API5: variants seen among roughly 807,000 people sequenced by gnomAD.
API5 encodes the protein apoptosis inhibitor 5.
API5 carries 6 observed loss-of-function variants against 71.9 expected under a neutral mutation model. That is an observed-to-expected ratio of 0.08 (90% CI 0.05 to 0.16). The LOEUF is 0.16. Among genes scored for constraint, API5 ranks in the 10% least tolerant of loss-of-function variants. API5 has a pLI of 1.00. For synonymous variants in API5, 189 were observed against 221.3 expected (o/e 0.85, Z 1.30); for missense variants, 332 against 612.8 (o/e 0.54, Z 4.84).
chr11:43,325,684 C>T (rs1432112356), intron 6 of API5, among the ~76,000 whole-genome samples: 1 of 152,114 alleles, frequency 6.6e-6, no homozygotes, highest in Non-Finnish European at 1.5e-5. Context: ...GATCCTGAAG[C>T]ATGTCTTTGA....
rs2862934 is a variant in API5 at position 43,335,979 on chromosome 11, G to A, written c.1477G>A (p.Gly493Ser). 2 of 1,613,970 alleles carry A rather than the reference G, an allele frequency of 1.2e-6. No homozygotes were observed. The highest frequency in any genetic ancestry group is 1.7e-6 in the Non-Finnish European group (2 of 1,179,966). ...CAGTGGGAAATATAGCAGCAATTTG[G>A]GCAACTTTAATTATGGTGAGCGTTT... ...PPSGKYSSNLGNFNYEQRGAF... is the reference protein window; with the variant it reads ...PPSGKYSSNLSNFNYEQRGAF... Residue 493 changes from glycine to serine, a missense_variant, in exon 13 of 14, where the codon GGC becomes AGC. This residue lies in a region of API5 where 168 missense variants were observed against 343.9 expected (regional missense o/e 0.49). Coordinates refer to ENST00000531273, the MANE Select transcript of API5 (RefSeq NM_001142930.2).
At chr11:43,318,889 A>G (rs1479275904) in intron 2 of API5, 88 bp downstream of exon 2, 1 of 1,318,468 alleles carries the variant, frequency 7.6e-7, no homozygotes, top group African/African-American at 1.4e-5. Context: ...GATATATCAG[A>G]GTACACAATA....
At chr11:43,341,965 A>G (rs1855630562) in intron 13 of API5, among the ~76,000 whole-genome samples, 1 of 152,066 alleles carries the variant, frequency 6.6e-6, no homozygotes, top group Non-Finnish European at 1.5e-5. Flanking sequence ...CCTGGCAACA[A>G]AATGAGGACC....
Position 43,342,524 on chromosome 11 carries a change from A to G in API5, c.*14A>G, listed in dbSNP as rs1855653821. 2 of 1,612,580 alleles carry G rather than the reference A, an allele frequency of 1.2e-6. No homozygotes were observed. The highest frequency in any genetic ancestry group is 1.7e-6 in the Non-Finnish European group (2 of 1,178,668). On this transcript the variant is annotated 3_prime_UTR_variant, in exon 14 of 14. Transcript: ENST00000531273. ...AGACTCTACTGAATAAGACATCAGC[A>G]TTCTTCAGCATTGTCATGAGCTTAA... is the stretch of plus-strand genomic sequence containing the variant.
chr11:43,342,765 A>G lies in API5; in HGVS notation c.*255A>G. 1.6e-6 allele frequency: 1 copy of G among 613,556 alleles called. No homozygotes were observed. The highest frequency in any genetic ancestry group is 1.8e-5 in the African/African-American group (1 of 54,488). 38.0% of individuals were successfully genotyped at this position (613,556 alleles called of 1,614,324 possible). ...TTGCAGTATCATTATTCAGACTTCA[A>G]ATTGTGAATCTTTTAAACATCTTGA... On this transcript the variant is annotated 3_prime_UTR_variant, in exon 14 of 14. Coordinates refer to ENST00000531273, the MANE Select transcript of API5 (RefSeq NM_001142930.2).
chr11:43,312,126 C>T lies in API5; in HGVS notation c.-2C>T. 6.2e-7 allele frequency: 1 copy of T among 1,613,738 alleles called. No homozygotes were observed. Among genetic ancestry groups the T allele is most frequent in the Non-Finnish European group, 8.5e-7 (1 of 1,179,926 alleles). ...AACCGGGCCCTGGGCTTGTCGCTCACCATGCCGACAGTAGAGGAGCTTTAC... is the reference window on the plus strand; with the variant it reads ...AACCGGGCCCTGGGCTTGTCGCTCATCATGCCGACAGTAGAGGAGCTTTAC... On this transcript the variant is annotated 5_prime_UTR_variant, in exon 1 of 14. Coordinates refer to ENST00000531273, the MANE Select transcript of API5 (RefSeq NM_001142930.2).
intron 1 of API5, among the ~76,000 whole-genome samples, chr11:43,315,070 T>A (rs899079853): frequency 6.6e-6 from 1 of 152,194 alleles, no homozygotes; most frequent in African/African-American, 2.4e-5. Flanking sequence ...TTGTCAGTCT[T>A]GACTTCCTTC....
intron 4 of API5, among the ~76,000 whole-genome samples, 175 bp from the exon 5 acceptor site, chr11:43,321,810 A>C (rs551460461): frequency 1.5e-4 from 23 of 152,332 alleles, no homozygotes; most frequent in African/African-American, 5.5e-4. Context: ...TCATGAAGAA[A>C]GCACTCTTAT....
chr11:43,320,730 TTAA>T, intron 2 of API5, 88 bp from the exon 3 acceptor site: 2 of 1,143,548 alleles, frequency 1.7e-6, no homozygotes, highest in Non-Finnish European at 1.3e-6. Context: ...TACCTTGTCT[TTAA>T]AAAAAAAAAA....
At chr11:43,337,048 G>A (rs1737111554) in intron 13 of API5, among the ~76,000 whole-genome samples, 2 of 150,998 alleles carry the variant, frequency 1.3e-5, no homozygotes, top group African/African-American at 4.9e-5. Context: ...GTTTAGGCAG[G>A]CATGGTAGCT....
intron 8 of API5, 63 bp from the exon 9 acceptor site, chr11:43,328,649 A>C (rs1855151334): frequency 1.4e-6 from 2 of 1,424,808 alleles, no homozygotes; most frequent in Non-Finnish European, 1.9e-6. Context: ...AATTCCCTGA[A>C]TATCTGTTTA....
chr11:43,341,019 C>T (rs1343433784), intron 13 of API5, among the ~76,000 whole-genome samples: 1 of 152,134 alleles, frequency 6.6e-6, no homozygotes, highest in Non-Finnish European at 1.5e-5. Context: ...TATTTGTAAA[C>T]TACTCATGCA....
intron 2 of API5, among the ~76,000 whole-genome samples, chr11:43,320,495 A>G (rs1202376534): frequency 6.6e-6 from 1 of 152,002 alleles, no homozygotes; most frequent in Non-Finnish European, 1.5e-5. Flanking sequence ...TGTAATCCCA[A>G]CACTTTGGGA....
At chr11:43,324,085 T>C (rs1854987796) in intron 6 of API5, among the ~76,000 whole-genome samples, 1 of 152,188 alleles carries the variant, frequency 6.6e-6, no homozygotes, top group Non-Finnish European at 1.5e-5. Context: ...TGGCACGATC[T>C]TGGCTTACTG....
At chr11:43,335,212 C>T in intron 11 of API5, 66 bp from the exon 12 acceptor site, 1 of 1,138,206 alleles carries the variant, frequency 8.8e-7, no homozygotes, top group Admixed American at 1.7e-5. Flanking sequence ...TCGTTTCCTA[C>T]CCTCACCACC....
At chr11:43,324,898 C>T (rs1388118361) in intron 6 of API5, among the ~76,000 whole-genome samples, 3 of 151,896 alleles carry the variant, frequency 2.0e-5, no homozygotes, top group Non-Finnish European at 4.4e-5. Flanking sequence ...AGGCTGCTCT[C>T]GCACTCCTGA....
intron 9 of API5, 27 bp downstream of exon 9, chr11:43,328,920 C>G: frequency 6.2e-7 from 1 of 1,611,430 alleles, no homozygotes; most frequent in Non-Finnish European, 8.5e-7. Flanking sequence ...GTGGCTCAAT[C>G]CTTGGCAAAG....
intron 13 of API5, among the ~76,000 whole-genome samples, chr11:43,341,995 A>AAT (rs1855632195): frequency 6.6e-6 from 1 of 152,076 alleles, no homozygotes. Flanking sequence ...AAAAAAAAAA[A>AAT]ATAGCCAAAC....
At chr11:43,338,648 T>TAAAAAAAAAAAAAAAAAAAAAAAAAAAAA (rs35510804) in intron 13 of API5, among the ~76,000 whole-genome samples, 1 of 97,012 alleles carries the variant, frequency 1.0e-5, no homozygotes, top group African/African-American at 4.1e-5. Flanking sequence ...CAATTGGAGG[T>TAAAAAAAAAAAAAAAAAAAAAAAAAAAAA]AAAAAAAAAA....
Sources: gnomAD v4.1 joint callset for allele counts (sites outside exome capture counted in the v4.1 genomes callset) on GRCh38, gnomAD v4.1.1 for gene constraint, gnomAD v4.1.1 regional missense constraint, MANE v1.5 for transcripts, NCBI Gene and HGNC (gene_info 2026-07-23, HGNC 2026-07-21) for gene names.